Variants in DHODH observed in about 807,000 individuals in gnomAD.
DHODH encodes the protein dihydroorotate dehydrogenase (quinone), also known as dihydroorotate dehydrogenase (quinone), mitochondrial.
A neutral mutation model predicts 39.7 loss-of-function variants in DHODH; 30 were observed. The observed-to-expected ratio is 0.76, with a 90% CI of 0.57 to 1.02. DHODH has a LOEUF of 1.02. DHODH is among the 50% of genes least tolerant of loss of function. The pLI, the probability that DHODH is intolerant of heterozygous loss-of-function variation, is 0.00. For synonymous variants in DHODH, 222 were observed against 213.8 expected, an observed-to-expected ratio of 1.04 and a Z score of -0.34; for missense variants, 531 against 520.8, an observed-to-expected ratio of 1.02 and a Z score of -0.19.
intron 5 of DHODH, 98 bp downstream of exon 5, chr16:72,021,409 G>A: frequency 1.5e-6 from 2 of 1,328,144 alleles, no homozygotes; most frequent in Non-Finnish European, 2.1e-6. Context: ...ACCCTCAGAA[G>A]CTGTCCTTAG....
At chr16:72,014,748 C>T (rs376315110) in intron 3 of DHODH, 76 bp downstream of exon 3, 2 of 1,439,582 alleles carry the variant, frequency 1.4e-6, no homozygotes, top group African/African-American at 2.8e-5. Flanking sequence ...AGATCTGCCT[C>T]TGTTTTTTTT....
intron 4 of DHODH, among the ~76,000 whole-genome samples, chr16:72,020,829 C>T (rs1250102780): frequency 1.3e-5 from 2 of 152,098 alleles, no homozygotes; most frequent in Non-Finnish European, 2.9e-5. Context: ...TCTTTTGCCC[C>T]ACAAGTATTT....
intron 4 of DHODH, among the ~76,000 whole-genome samples, chr16:72,019,306 A>C (rs2041177520): frequency 6.6e-6 from 1 of 152,078 alleles, no homozygotes; most frequent in Non-Finnish European, 1.5e-5. Context: ...GAAAGTAGCT[A>C]CACTCATCTC....
chr16:72,027,009 GTT>G lies in DHODH; in HGVS notation c.*2814_*2815del, dbSNP rs1230140169. On this transcript the variant is annotated 3_prime_UTR_variant, in exon 9 of 9. Coordinates refer to ENST00000219240, the MANE Select transcript of DHODH (RefSeq NM_001361.5). ...TGTGTGTGTGTGTGTGTGTGTGTGT[GTT>G]TTTGAGATGGAGTCCTGCTCTGTCA... 1.4e-5 allele frequency: 1 copy of G among 69,630 alleles called. No individual in the cohort carries two copies. The highest frequency in any genetic ancestry group is 3.2e-5 in the Non-Finnish European group (1 of 31,536). 4.3% of individuals were successfully genotyped at this position (69,630 alleles called of 1,614,324 possible).
At chr16:72,012,873 A>C (rs1054756234) in intron 2 of DHODH, among the ~76,000 whole-genome samples, 1 of 152,028 alleles carries the variant, frequency 6.6e-6, no homozygotes, top group Non-Finnish European at 1.5e-5. Flanking sequence ...GTGTAGATAC[A>C]GCCTCTGACT....
intron 1 of DHODH, 101 bp downstream of exon 1, chr16:72,008,886 G>A: frequency 2.6e-6 from 4 of 1,549,254 alleles, no homozygotes; most frequent in Non-Finnish European, 2.6e-6. Context: ...GGCGGCTCCG[G>A]GAGTGTGGGC....
chr16:72,014,305 C>T (rs1160105497), intron 2 of DHODH, 168 bp from the exon 3 acceptor site: 1 of 656,458 alleles, frequency 1.5e-6, no homozygotes, highest in Admixed American at 2.5e-5. Context: ...AAATAGTTCC[C>T]CCAGTGCTCC....
chr16:72,019,659 G>A (rs2041181405), intron 4 of DHODH, among the ~76,000 whole-genome samples: 1 of 152,160 alleles, frequency 6.6e-6, no homozygotes, highest in South Asian at 2.1e-4. Context: ...TGTAAACTGA[G>A]ACCCTCTTGA....
Position 72,022,411 on chromosome 16 carries a change from T to C in DHODH, c.755T>C (p.Leu252Pro), listed in dbSNP as rs753671419. 11 of 1,557,924 alleles carry C rather than the reference T, an allele frequency of 7.1e-6. No homozygotes were observed. Among genetic ancestry groups the C allele is most frequent in the African/African-American group, 1.4e-5 (1 of 73,426 alleles). The change falls in exon 6 of 9, where the codon CTG (leucine) becomes CCG (proline). Residue 252 changes from leucine (L) to proline (P), a missense_variant. Coordinates refer to ENST00000219240, the MANE Select transcript of DHODH (RefSeq NM_001361.5). ...GLRRVHRPAV[L>P]VKIAPDLTSQ... ...CGGAGAGTGCACAGGCCGGCAGTCC[T>C]GGTGAAGATCGCTCCTGACCTCACC...
chr16:72,012,329 G>C (rs2041093132), intron 2 of DHODH, 67 bp downstream of exon 2: 1 of 1,436,090 alleles, frequency 7.0e-7, no homozygotes, highest in South Asian at 1.2e-5. Context: ...AAACTTCTCA[G>C]CTGGGACTGA....
chr16:72,017,448 ACTCTGTCCT>A (rs1240434137), intron 4 of DHODH, among the ~76,000 whole-genome samples: 1 of 152,126 alleles, frequency 6.6e-6, no homozygotes, highest in Non-Finnish European at 1.5e-5. Flanking sequence ...CCCGTGGCCC[ACTCTGTCCT>A]CCCTTTTTTG....
intron 3 of DHODH, chr16:72,016,625 A>C: frequency 2.9e-6 from 1 of 342,860 alleles, no homozygotes; most frequent in Non-Finnish European, 5.7e-6. Flanking sequence ...CTGAGCTAGG[A>C]AGAGAGGTGA....
rs931958752 is a variant in DHODH at position 72,012,206 on chromosome 16, C to T, written c.178C>T (p.Arg60Cys). The T allele has an allele frequency of 6.8e-6, 11 of 1,614,120 alleles. No individual in the cohort carries two copies. Among genetic ancestry groups the T allele is most frequent in the Non-Finnish European group, 9.3e-6 (11 of 1,180,020 alleles). ...GGAGTCAGCCCACAGACTGGCTGTT[C>T]GCTTCACCTCCCTGGGGCTCCTTCC... ...DPESAHRLAV[R>C]FTSLGLLPRA... Residue 60 changes from arginine (R) to cysteine (C), a missense_variant, in exon 2 of 9, where the codon CGC (arginine) becomes TGC (cysteine). By Grantham distance (180) the Arg-to-Cys change is radical. Transcript: ENST00000219240.
In DHODH at chr16:72,016,965, A is replaced by T. The variant is rs187765272; in HGVS notation, c.435-59A>T. The T allele has an allele frequency of 1.2e-3, 1,844 of 1,481,040 alleles. 14 individuals carry two copies. The highest frequency in any genetic ancestry group is 1.6e-4 in the Non-Finnish European group (171 of 1,059,476). 91.7% of individuals were successfully genotyped at this position (1,481,040 alleles called of 1,614,324 possible). A position where few individuals can be genotyped will look rare whatever the true frequency, so the allele number is the denominator to read the frequency against. On this transcript the variant is annotated intron_variant, in intron 3 of 8. Coordinates refer to ENST00000219240, the MANE Select transcript of DHODH (RefSeq NM_001361.5). The stretch of plus-strand genomic sequence containing the variant: ...TCTTGTTTGAAAAAGTCCTAAGTGT[A>T]TGGGAAGTGGCTATGGTGCCGTCTC...
Position 72,024,294 on chromosome 16 carries a change from G to A in DHODH, c.*95G>A. ...CATGAGAGGAGGGACTCCATCTTGA[G>A]CCATGTCCCCCAGCCATGGCATGGC... On this transcript the variant is annotated 3_prime_UTR_variant, in exon 9 of 9. Coordinates refer to ENST00000219240, the MANE Select transcript of DHODH (RefSeq NM_001361.5). The A allele has an allele frequency of 7.2e-7, 1 of 1,379,328 alleles. No homozygotes were observed. The allele number at this position is 1,379,328 out of a possible 1,614,324, so 85.4% of individuals were successfully genotyped here.
rs1358793467 is a variant in DHODH at position 72,020,343 on chromosome 16, A to G, written c.518-781A>G. Reference sequence around the variant, plus strand: ...TATGTATATGTGTATATATATATATATATATATATATGTGTATATATATAT... The same window carrying G: ...TATGTATATGTGTATATATATATATGTATATATATATGTGTATATATATAT... On this transcript the variant is annotated intron_variant, in intron 4 of 8. Transcript: ENST00000219240. 82 of 118,896 alleles carry G rather than the reference A, an allele frequency of 6.9e-4. 1 individual carries two copies. The highest frequency in any genetic ancestry group is 1.8e-3 in the Admixed American group (22 of 12,216). The allele number at this position is 118,896 out of a possible 1,614,324, so 7.4% of individuals were successfully genotyped here. A position where few individuals can be genotyped will look rare whatever the true frequency, so the allele number is the denominator to read the frequency against.
chr16:72,014,535 GC>G lies in DHODH; in HGVS notation c.298del (p.His100MetfsTer18). ...PVGIAAGFDKHGEAVDGLYKM... is the reference protein window; with the variant it reads ...PVGIAAGFDKXGEAVDGLYKM... ...TAGGAATTGCTGCAGGATTTGACAA[GC>G]ATGGGGAAGCCGTGGACGGACTTTA... is the stretch of plus-strand genomic sequence containing the variant. On this transcript the variant is annotated frameshift_variant, in exon 3 of 9. Transcript: ENST00000219240. LOFTEE classifies it high-confidence loss of function. The G allele has an allele frequency of 6.2e-7, 1 of 1,614,220 alleles. No individual in the cohort carries two copies. The highest frequency in any genetic ancestry group is 1.1e-5 in the South Asian group (1 of 91,090).
chr16:72,018,653 G>T (rs2041170763), intron 4 of DHODH, among the ~76,000 whole-genome samples: 1 of 152,150 alleles, frequency 6.6e-6, no homozygotes, highest in Admixed American at 6.5e-5. Flanking sequence ...GCAGTGCTCT[G>T]CACGGATGTG....
At chr16:72,022,980 C>T (rs1320307727) in intron 6 of DHODH, among the ~76,000 whole-genome samples, 185 bp from the exon 7 acceptor site, 1 of 152,132 alleles carries the variant, frequency 6.6e-6, no homozygotes, top group Non-Finnish European at 1.5e-5. Context: ...TGGCTGCTGT[C>T]GTCATGTTAT....
Sources: gnomAD v4.1 joint callset for allele counts (sites outside exome capture counted in the v4.1 genomes callset) on GRCh38, gnomAD v4.1.1 for gene constraint, MANE v1.5 for transcripts, NCBI Gene and HGNC (gene_info 2026-07-23, HGNC 2026-07-21) for gene names.